HRCT1: variants seen among roughly 807,000 people sequenced by gnomAD.
HRCT1 encodes the protein histidine-rich carboxyl terminus protein 1.
For synonymous variants in HRCT1, 76 were observed against 69.0 expected (o/e 1.10, Z -0.50); for missense variants, 185 against 161.3 (o/e 1.15, Z -0.80).
chr9:35,906,556 A>ACCC lies in HRCT1; in HGVS notation c.271_272insCCC (p.His90_His91insPro). 3.8e-6 allele frequency: 6 copies of ACCC among 1,561,144 alleles called. No homozygotes were observed. The highest frequency in any genetic ancestry group is 5.2e-6 in the Non-Finnish European group (6 of 1,156,136). On this transcript the variant is annotated inframe_insertion, in exon 1 of 1. Transcript: ENST00000354323. ...GTGCCGAATGTGGGCCTCCACCACC[A>ACCC]CCACCACCCCCGCCACACCCCTCAC...
rs146921179 is a variant in HRCT1, at chr9:35,906,508, G to A, written c.221G>A (p.Arg74His). Reference sequence around the variant, plus strand: ...CACCTGGGAATCTTTCACCATCACCGTCATCCTGGCCACGTATCTCATGTG... The same window carrying A: ...CACCTGGGAATCTTTCACCATCACCATCATCCTGGCCACGTATCTCATGTG... Reference protein sequence around the residue: ...RGHLGIFHHHRHPGHVSHVPN... With the variant: ...RGHLGIFHHHHHPGHVSHVPN... The change falls in exon 1 of 1, where the codon CGT becomes CAT. Residue 74 changes from arginine (R) to histidine (H), a missense_variant. Arg to His is a conservative substitution (Grantham distance 29). Transcript: ENST00000354323. The A allele has an allele frequency of 7.0e-6, 11 of 1,568,674 alleles. No individual in the cohort carries two copies. Among genetic ancestry groups the A allele is most frequent in the African/African-American group, 1.4e-5 (1 of 69,670 alleles).
rs752745134 is a variant in HRCT1, at chr9:35,906,357, C to T, written c.70C>T (p.Leu24=). 1.2e-6 allele frequency: 2 copies of T among 1,610,738 alleles called. No homozygotes were observed. Among genetic ancestry groups the T allele is most frequent in the Non-Finnish European group, 8.5e-7 (1 of 1,179,156 alleles). Residue 24 remains leucine, a synonymous_variant, in exon 1 of 1, where the codon CTG becomes TTG. Coordinates refer to ENST00000354323, the MANE Select transcript of HRCT1 (RefSeq NM_001039792.2). ...AGGTGCTGCTGTGGCGGTCCTGCTGCTGCTGCTGCTGCTGGCCACCTGCCT... is the reference window on the plus strand; with the variant it reads ...AGGTGCTGCTGTGGCGGTCCTGCTGTTGCTGCTGCTGCTGGCCACCTGCCT... The part of the protein sequence containing the change: ...ITGAAVAVLL[L]LLLLATCLFH...
chr9:35,906,614 C>CCCCCGCCA, the HRCT1 span: 1 of 1,490,360 alleles, frequency 6.7e-7, no homozygotes, highest in Non-Finnish European at 9.0e-7. Flanking sequence ...CCCACCGCCA[C>CCCCCGCCA]CATCCCCGCC....
chr9:35,906,886 G>T lies in HRCT1; in HGVS notation c.*251G>T. On this transcript the variant is annotated 3_prime_UTR_variant, in exon 1 of 1. Coordinates refer to ENST00000354323, the MANE Select transcript of HRCT1 (RefSeq NM_001039792.2). ...GTGGAGAGCAAGGGTGCTCTTTCGG[G>T]GCTGGACAGCCCGTCTTGTGACAGT... 1.8e-6 allele frequency: 1 copy of T among 545,816 alleles called. No individual in the cohort carries two copies. The highest frequency in any genetic ancestry group is 3.3e-6 in the Non-Finnish European group (1 of 303,410). The allele number at this position is 545,816 out of a possible 1,614,324, so 33.8% of individuals were successfully genotyped here. A position where few individuals can be genotyped will look rare whatever the true frequency, so the allele number is the denominator to read the frequency against.
rs540565863 is a variant in HRCT1, at chr9:35,907,089, A to C, written c.*454A>C. 2 of 203,440 alleles carry C rather than the reference A, an allele frequency of 9.8e-6. No individual in the cohort carries two copies. Among genetic ancestry groups the C allele is most frequent in the South Asian group, 3.1e-4 (2 of 6,368 alleles). 12.6% of individuals were successfully genotyped at this position (203,440 alleles called of 1,614,324 possible). On this transcript the variant is annotated 3_prime_UTR_variant, in exon 1 of 1. Transcript: ENST00000354323. ...TGGAGAAGGCAGTGTGAGGCTGCAC[A>C]GTCAATTCATCGGTGCCTTAGTCCA... is the stretch of plus-strand genomic sequence containing the variant.
At position 35,906,595 on chromosome 9, in the gene HRCT1, A is replaced by ACCACCACCTCCACCACCG; in HGVS notation, c.316_317insTCCACCACCGCCACCACC (p.His105_Pro106insLeuHisHisArgHisHis). On this transcript the variant is annotated inframe_insertion, in exon 1 of 1. Coordinates refer to ENST00000354323, the MANE Select transcript of HRCT1 (RefSeq NM_001039792.2). ...CACACCCCTCACCACCTCCACCACCACCACCACCCCCACCGCCACCATCCC... is the reference window on the plus strand; with the variant it reads ...CACACCCCTCACCACCTCCACCACCACCACCACCTCCACCACCGCCACCACCCCCACCGCCACCATCCC... 8.3e-7 allele frequency: 1 copy of ACCACCACCTCCACCACCG among 1,198,304 alleles called. No homozygotes were observed. Among genetic ancestry groups the ACCACCACCTCCACCACCG allele is most frequent in the Non-Finnish European group, 1.1e-6 (1 of 907,110 alleles). 74.2% of individuals were successfully genotyped at this position (1,198,304 alleles called of 1,614,324 possible).
At position 35,906,589 on chromosome 9, in the gene HRCT1, A is replaced by ACCACCACCACCACCC. The variant is rs1554690900; in HGVS notation, c.308_322dup (p.His103_His107dup). The ACCACCACCACCACCC allele has an allele frequency of 1.9e-4, 191 of 1,020,730 alleles. 1 individual carries two copies. In the African/African-American group the frequency reaches 4.6e-3, roughly 25 times the overall value. 63.2% of individuals were successfully genotyped at this position (1,020,730 alleles called of 1,614,324 possible). A position where few individuals can be genotyped will look rare whatever the true frequency, so the allele number is the denominator to read the frequency against. ...CCCCGCCACACCCCTCACCACCTCC[A>ACCACCACCACCACCC]CCACCACCACCACCCCCACCGCCAC... On this transcript the variant is annotated inframe_insertion, in exon 1 of 1. Coordinates refer to ENST00000354323, the MANE Select transcript of HRCT1 (RefSeq NM_001039792.2).
chr9:35,906,748 G>A lies in HRCT1; in HGVS notation c.*113G>A, dbSNP rs146073310. The A allele has an allele frequency of 2.6e-4, 374 of 1,430,734 alleles. 6 individuals are homozygous for A. The African/African-American group carries it at 4.8e-3, about 18-fold the overall frequency. 88.6% of individuals were successfully genotyped at this position (1,430,734 alleles called of 1,614,324 possible). On this transcript the variant is annotated 3_prime_UTR_variant, in exon 1 of 1. Transcript: ENST00000354323. ...AAGGATGCATCTCTGGGGTGAACGA[G>A]GGGAACAATAGACTGGGGCTTGCTC...
chr9:35,906,899 G>T lies in HRCT1; in HGVS notation c.*264G>T. The stretch of plus-strand genomic sequence containing the variant: ...GTGCTCTTTCGGGGCTGGACAGCCC[G>T]TCTTGTGACAGTGACTCCCAGTGAG... On this transcript the variant is annotated 3_prime_UTR_variant, in exon 1 of 1. Coordinates refer to ENST00000354323, the MANE Select transcript of HRCT1 (RefSeq NM_001039792.2). 1.9e-6 allele frequency: 1 copy of T among 516,114 alleles called. No individual in the cohort carries two copies. The highest frequency in any genetic ancestry group is 3.5e-5 in the South Asian group (1 of 28,350). 32.0% of individuals were successfully genotyped at this position (516,114 alleles called of 1,614,324 possible).
chr9:35,906,811 C>T lies in HRCT1; in HGVS notation c.*176C>T. 1 of 910,076 alleles carries T rather than the reference C, an allele frequency of 1.1e-6. No homozygotes were observed. The allele number at this position is 910,076 out of a possible 1,614,324, so 56.4% of individuals were successfully genotyped here. A position where few individuals can be genotyped will look rare whatever the true frequency, so the allele number is the denominator to read the frequency against. On this transcript the variant is annotated 3_prime_UTR_variant, in exon 1 of 1. Transcript: ENST00000354323. The stretch of plus-strand genomic sequence containing the variant: ...CATGGCATGCCCCAGTGTACTATGG[C>T]AGCAGAGAATGGAGGAACACTGGGT...
In HRCT1 at chr9:35,906,337, C is replaced by A. The variant is rs1347072763; in HGVS notation, c.50C>A (p.Ala17Asp). 24 of 1,611,860 alleles carry A rather than the reference C, an allele frequency of 1.5e-5. No individual in the cohort carries two copies. Among genetic ancestry groups the A allele is most frequent in the Non-Finnish European group, 2.0e-5 (24 of 1,179,664 alleles). ...STALVGWITG[A>D]AVAVLLLLLL... ...GCCCTCGTGGGATGGATCACAGGTG[C>A]TGCTGTGGCGGTCCTGCTGCTGCTG... Residue 17 changes from alanine to aspartate, a missense_variant, in exon 1 of 1, where the codon GCT (alanine) becomes GAT (aspartate). Coordinates refer to ENST00000354323, the MANE Select transcript of HRCT1 (RefSeq NM_001039792.2).
At position 35,906,355 on chromosome 9, in the gene HRCT1, T is replaced by C. The variant is rs1244046253; in HGVS notation, c.68T>C (p.Leu23Pro). 6.3e-7 allele frequency: 1 copy of C among 1,590,186 alleles called. No homozygotes were observed. Among genetic ancestry groups the C allele is most frequent in the Non-Finnish European group, 8.6e-7 (1 of 1,161,562 alleles). Residue 23 changes from leucine (L) to proline (P), a missense_variant, in exon 1 of 1, where the codon CTG becomes CCG. Physicochemically the swap from Leu to Pro is moderately conservative, Grantham distance 98. Coordinates refer to ENST00000354323, the MANE Select transcript of HRCT1 (RefSeq NM_001039792.2). ...WITGAAVAVLLLLLLLATCLF... is the reference protein window; with the variant it reads ...WITGAAVAVLPLLLLLATCLF... ...ACAGGTGCTGCTGTGGCGGTCCTGC[T>C]GCTGCTGCTGCTGCTGGCCACCTGC...
rs1274946192 is a variant in HRCT1, at chr9:35,906,879, C to A, written c.*244C>A. On this transcript the variant is annotated 3_prime_UTR_variant, in exon 1 of 1. Transcript: ENST00000354323. Reference sequence around the variant, plus strand: ...TTGGGGAGTGGAGAGCAAGGGTGCTCTTTCGGGGCTGGACAGCCCGTCTTG... The same window carrying A: ...TTGGGGAGTGGAGAGCAAGGGTGCTATTTCGGGGCTGGACAGCCCGTCTTG... 1.9e-5 allele frequency: 11 copies of A among 567,446 alleles called. No individual in the cohort carries two copies. The highest frequency in any genetic ancestry group is 3.1e-5 in the Non-Finnish European group (10 of 319,268). The allele number at this position is 567,446 out of a possible 1,614,324, so 35.2% of individuals were successfully genotyped here. A position where few individuals can be genotyped will look rare whatever the true frequency, so the allele number is the denominator to read the frequency against.
Position 35,906,608 on chromosome 9 carries a change from C to A in HRCT1, c.321C>A (p.His107Gln). Residue 107 changes from histidine (H) to glutamine (Q), a missense_variant, in exon 1 of 1, where the codon CAC becomes CAA. Transcript: ENST00000354323. Reference protein sequence around the residue: ...PHHLHHHHHPHRHHPRHAR With the variant: ...PHHLHHHHHPQRHHPRHAR Reference sequence around the variant, plus strand: ...ACCTCCACCACCACCACCACCCCCACCGCCACCATCCCCGCCACGCTCGCT... The same window carrying A: ...ACCTCCACCACCACCACCACCCCCAACGCCACCATCCCCGCCACGCTCGCT... The A allele has an allele frequency of 6.6e-7, 1 of 1,504,236 alleles. No individual in the cohort carries two copies. Among genetic ancestry groups the A allele is most frequent in the South Asian group, 1.3e-5 (1 of 79,074 alleles). The allele number at this position is 1,504,236 out of a possible 1,614,324, so 93.2% of individuals were successfully genotyped here.
At position 35,906,989 on chromosome 9, in the gene HRCT1, G is replaced by C; in HGVS notation, c.*354G>C. On this transcript the variant is annotated 3_prime_UTR_variant, in exon 1 of 1. Transcript: ENST00000354323. ...CAAGTGGATGTGAAGTGCCCGTCTTGACCTCCTCATCAGGCTGCTGCAGGC... is the reference window on the plus strand; with the variant it reads ...CAAGTGGATGTGAAGTGCCCGTCTTCACCTCCTCATCAGGCTGCTGCAGGC... 1 of 358,924 alleles carries C rather than the reference G, an allele frequency of 2.8e-6. No individual in the cohort carries two copies. The allele number at this position is 358,924 out of a possible 1,614,324, so 22.2% of individuals were successfully genotyped here. A position where few individuals can be genotyped will look rare whatever the true frequency, so the allele number is the denominator to read the frequency against.
rs369837960 is a variant in HRCT1 at position 35,906,346 on chromosome 9, C to T, written c.59C>T (p.Ala20Val). 8.0e-5 allele frequency: 129 copies of T among 1,610,698 alleles called. 1 individual carries two copies. In the Admixed American group the frequency reaches 1.3e-3, roughly 16 times the overall value. Residue 20 changes from alanine to valine, a missense_variant, in exon 1 of 1, where the codon GCG becomes GTG. Ala to Val is a moderately conservative substitution (Grantham distance 64). Coordinates refer to ENST00000354323, the MANE Select transcript of HRCT1 (RefSeq NM_001039792.2). The stretch of plus-strand genomic sequence containing the variant: ...GGATGGATCACAGGTGCTGCTGTGG[C>T]GGTCCTGCTGCTGCTGCTGCTGCTG... ...LVGWITGAAV[A>V]VLLLLLLLAT...
Position 35,906,845 on chromosome 9 carries a change from CT to C in HRCT1, c.*211del. 3 of 735,168 alleles carry C rather than the reference CT, an allele frequency of 4.1e-6. No homozygotes were observed. Among genetic ancestry groups the C allele is most frequent in the Non-Finnish European group, 6.6e-6 (3 of 452,188 alleles). 45.5% of individuals were successfully genotyped at this position (735,168 alleles called of 1,614,324 possible). A position where few individuals can be genotyped will look rare whatever the true frequency, so the allele number is the denominator to read the frequency against. On this transcript the variant is annotated 3_prime_UTR_variant, in exon 1 of 1. Coordinates refer to ENST00000354323, the MANE Select transcript of HRCT1 (RefSeq NM_001039792.2). ...ATGGAGGAACACTGGGTCTGCAGTG[CT>C]GAAGGGTTTGGGGAGTGGAGAGCAA...
Position 35,906,400 on chromosome 9 carries a change from A to T in HRCT1, c.113A>T (p.Asp38Val), listed in dbSNP as rs772589304. ...LATCLFHGRQ[D>V]CDVERNRTAA... Reference sequence around the variant, plus strand: ...ACCTGCCTTTTCCACGGACGGCAGGACTGTGACGTGGAGAGGAACCGTACA... The same window carrying T: ...ACCTGCCTTTTCCACGGACGGCAGGTCTGTGACGTGGAGAGGAACCGTACA... The change falls in exon 1 of 1, where the codon GAC becomes GTC. Residue 38 changes from aspartate (D) to valine (V), a missense_variant. Asp to Val is a radical substitution (Grantham distance 152). Coordinates refer to ENST00000354323, the MANE Select transcript of HRCT1 (RefSeq NM_001039792.2). The T allele has an allele frequency of 6.2e-7, 1 of 1,612,632 alleles. No individual in the cohort carries two copies. The highest frequency in any genetic ancestry group is 8.5e-7 in the Non-Finnish European group (1 of 1,179,976).
Position 35,906,598 on chromosome 9 carries a change from A to ACCACCACCACCACCATCC in HRCT1, c.316_317insACCACCACCATCCCCACC (p.His105_Pro106insHisHisHisHisProHis). On this transcript the variant is annotated inframe_insertion, in exon 1 of 1. Coordinates refer to ENST00000354323, the MANE Select transcript of HRCT1 (RefSeq NM_001039792.2). Reference sequence around the variant, plus strand: ...ACCCCTCACCACCTCCACCACCACCACCACCCCCACCGCCACCATCCCCGC... The same window carrying ACCACCACCACCACCATCC: ...ACCCCTCACCACCTCCACCACCACCACCACCACCACCACCATCCCCACCCCCACCGCCACCATCCCCGC... 1 of 1,194,688 alleles carries ACCACCACCACCACCATCC rather than the reference A, an allele frequency of 8.4e-7. No homozygotes were observed. The highest frequency in any genetic ancestry group is 2.2e-5 in the African/African-American group (1 of 44,694). 74.0% of individuals were successfully genotyped at this position (1,194,688 alleles called of 1,614,324 possible).
Sources: gnomAD v4.1 joint callset for allele counts on GRCh38, gnomAD v4.1.1 for gene constraint, MANE v1.5 for transcripts, NCBI Gene and HGNC (gene_info 2026-07-23, HGNC 2026-07-21) for gene names.